Variants in SPOCK3 observed in about 807,000 individuals in gnomAD.
SPOCK3 encodes the protein SPARC (osteonectin), cwcv and kazal like domains proteoglycan 3.
SPOCK3 carries 30 observed loss-of-function variants against 56.6 expected under a neutral mutation model. That is an observed-to-expected ratio of 0.53 (90% CI 0.40 to 0.72). The LOEUF (loss-of-function observed/expected upper bound fraction) is 0.72. SPOCK3 is among the 30% of genes least tolerant of loss of function. SPOCK3 has a pLI of 0.00. For missense variants in SPOCK3, 527 were observed against 530.0 expected (o/e 0.99, Z 0.06); for synonymous variants, 196 against 183.3 (o/e 1.07, Z -0.56).
intron 8 of SPOCK3, among the ~76,000 whole-genome samples, chr4:166,744,831 G>C (rs550047675): frequency 6.6e-6 from 1 of 152,098 alleles, no homozygotes; most frequent in Admixed American, 6.6e-5. Context: ...TGAGAACTAC[G>C]TGATGCGTGC....
At chr4:166,776,535 C>A (rs1739570234) in intron 7 of SPOCK3, among the ~76,000 whole-genome samples, 1 of 152,152 alleles carries the variant, frequency 6.6e-6, no homozygotes. Context: ...AACTCCTCAT[C>A]TTCTTAGATA....
chr4:166,740,493 C>CTTATTATTATTA (rs71604445), intron 9 of SPOCK3, among the ~76,000 whole-genome samples: 5 of 135,364 alleles, frequency 3.7e-5, no homozygotes, highest in Non-Finnish European at 6.3e-5. Context: ...TATATAAGAA[C>CTTATTATTATTA]TTATTATTAT....
At chr4:167,168,670 A>G (rs953770219) in intron 2 of SPOCK3, among the ~76,000 whole-genome samples, 5 of 152,186 alleles carry the variant, frequency 3.3e-5, no homozygotes, top group African/African-American at 1.2e-4. Flanking sequence ...ACAATGCAGT[A>G]GAAAATAAAA....
At chr4:167,053,365 C>T (rs1360881778) in intron 3 of SPOCK3, among the ~76,000 whole-genome samples, 1 of 152,096 alleles carries the variant, frequency 6.6e-6, no homozygotes, top group African/African-American at 2.4e-5. Context: ...TCCTCACATA[C>T]CTCCTCTTTG....
chr4:166,753,459 GTTTA>G (rs974369318), intron 8 of SPOCK3, among the ~76,000 whole-genome samples: 23 of 151,888 alleles, frequency 1.5e-4, no homozygotes, highest in African/African-American at 5.3e-4. Flanking sequence ...GTTTAGAGTG[GTTTA>G]TTAATAGTTA....
intron 7 of SPOCK3, among the ~76,000 whole-genome samples, chr4:166,790,584 A>T (rs1031887865): frequency 2.0e-5 from 3 of 152,208 alleles, no homozygotes; most frequent in African/African-American, 7.2e-5. Context: ...AGTTTCTTAT[A>T]ATTAATCTAC....
intron 6 of SPOCK3, among the ~76,000 whole-genome samples, chr4:166,796,941 G>T (rs1659056841): frequency 6.6e-6 from 1 of 152,116 alleles, no homozygotes; most frequent in Non-Finnish European, 1.5e-5. Context: ...ATTACACAAA[G>T]AAAAGTCCAA....
intron 7 of SPOCK3, among the ~76,000 whole-genome samples, chr4:166,771,207 C>A (rs1407879626): frequency 2.0e-5 from 3 of 151,508 alleles, no homozygotes; most frequent in African/African-American, 7.2e-5. Flanking sequence ...TATTTGTAGC[C>A]TCAAAAGAAT....
At chr4:166,897,614 C>T (rs758048223) in intron 5 of SPOCK3, among the ~76,000 whole-genome samples, 102 of 152,228 alleles carry the variant, frequency 6.7e-4, no homozygotes, top group Non-Finnish European at 1.3e-3. Context: ...TTATGCTGCC[C>T]GTGCACTAAG....
chr4:166,987,809 T>C (rs1747329254), intron 4 of SPOCK3, among the ~76,000 whole-genome samples: 1 of 152,084 alleles, frequency 6.6e-6, no homozygotes, highest in African/African-American at 2.4e-5. Flanking sequence ...GTTGAAAATT[T>C]TTATAATGTG....
chr4:167,001,147 A>G (rs1438548655), intron 3 of SPOCK3, among the ~76,000 whole-genome samples: 1 of 152,176 alleles, frequency 6.6e-6, no homozygotes, highest in Non-Finnish European at 1.5e-5. Flanking sequence ...ATACTACACA[A>G]TTTGGGCAGT....
At chr4:166,957,411 G>A (rs1186646754) in intron 4 of SPOCK3, among the ~76,000 whole-genome samples, 1 of 152,164 alleles carries the variant, frequency 6.6e-6, no homozygotes, top group Non-Finnish European at 1.5e-5. Context: ...CTTCCCTTTA[G>A]TAATAATACA....
At chr4:167,229,244 C>T (rs1211858965) in intron 2 of SPOCK3, among the ~76,000 whole-genome samples, 1 of 152,040 alleles carries the variant, frequency 6.6e-6, no homozygotes, top group African/African-American at 2.4e-5. Flanking sequence ...ATTTTTGATA[C>T]ATATTGTTGA....
At chr4:167,154,518 T>G (rs1561273176) in intron 2 of SPOCK3, among the ~76,000 whole-genome samples, 1 of 152,242 alleles carries the variant, frequency 6.6e-6, no homozygotes, top group Non-Finnish European at 1.5e-5. Context: ...AGTTCTCAGT[T>G]CCTATGCAGC....
At chr4:166,768,539 C>T (rs1738460522) in intron 7 of SPOCK3, among the ~76,000 whole-genome samples, 2 of 152,156 alleles carry the variant, frequency 1.3e-5, no homozygotes, top group Non-Finnish European at 2.9e-5. Context: ...CCTTTTAGAG[C>T]TTCTGTCAAG....
chr4:167,165,233 C>T (rs553938076), intron 2 of SPOCK3, among the ~76,000 whole-genome samples: 1 of 152,152 alleles, frequency 6.6e-6, no homozygotes, highest in South Asian at 2.1e-4. Flanking sequence ...AACTAAAGAG[C>T]TTCTGCACAG....
chr4:167,066,054 A>C (rs894681715), intron 2 of SPOCK3, among the ~76,000 whole-genome samples: 1 of 151,856 alleles, frequency 6.6e-6, no homozygotes, highest in Admixed American at 6.6e-5. Flanking sequence ...TTACAGAAAT[A>C]ATAACTATAA....
chr4:167,088,782 G>C (rs1298421526), intron 2 of SPOCK3, among the ~76,000 whole-genome samples: 1 of 151,982 alleles, frequency 6.6e-6, no homozygotes, highest in Non-Finnish European at 1.5e-5. Context: ...TAAGGCCAAT[G>C]CAAGTATTAA....
At chr4:166,938,613 G>A (rs1248049750) in intron 4 of SPOCK3, among the ~76,000 whole-genome samples, 1 of 151,440 alleles carries the variant, frequency 6.6e-6, no homozygotes, top group Non-Finnish European at 1.5e-5. Context: ...AAAAGAATGG[G>A]GGAGAAAAGA....
Sources: allele counts gnomAD v4.1 joint callset (sites outside exome capture counted in the v4.1 genomes callset), GRCh38; gene constraint gnomAD v4.1.1; transcripts MANE v1.5; gene names NCBI Gene and HGNC (gene_info 2026-07-23, HGNC 2026-07-21).